DGKB: variants seen among roughly 807,000 people sequenced by gnomAD.
DGKB encodes diacylglycerol kinase beta, also known as 90 kDa diacylglycerol kinase.
A neutral mutation model predicts 114.3 loss-of-function variants in DGKB; 67 were observed. The observed-to-expected ratio is 0.59, with a 90% CI of 0.48 to 0.72. The LOEUF is 0.72. Ranked by LOEUF, DGKB falls within the 30% of genes least tolerant of loss-of-function variation. The pLI, the probability that DGKB is intolerant of heterozygous loss-of-function variation, is 0.00. For missense variants in DGKB, 907 were observed against 975.2 expected (o/e 0.93, Z 0.93); for synonymous variants, 398 against 323.1 (o/e 1.23, Z -2.49).
chr7:14,457,265 A>G (rs1426771331), intron 21 of DGKB, among the ~76,000 whole-genome samples: 1 of 152,164 alleles, frequency 6.6e-6, no homozygotes, highest in Non-Finnish European at 1.5e-5. Flanking sequence ...GTAATTACCT[A>G]AAATGGACAC....
intron 25 of DGKB, among the ~76,000 whole-genome samples, chr7:14,153,182 C>T (rs1270119323): frequency 1.3e-5 from 2 of 152,044 alleles, no homozygotes; most frequent in African/African-American, 2.4e-5. Context: ...TTTGGTTCAG[C>T]TCGTTGGTGA....
intron 25 of DGKB, among the ~76,000 whole-genome samples, chr7:14,169,280 G>T (rs1206370120): frequency 6.6e-6 from 1 of 151,062 alleles, no homozygotes; most frequent in South Asian, 2.1e-4. Context: ...CAGGAGAATG[G>T]CGTGAACCCG....
At chr7:14,869,085 A>G (rs1363357536) in intron 1 of DGKB, among the ~76,000 whole-genome samples, 1 of 152,190 alleles carries the variant, frequency 6.6e-6, no homozygotes, top group African/African-American at 2.4e-5. Context: ...TCATGACTAA[A>G]TGTTATCATT....
At chr7:14,632,868 T>C (rs2128853188) in intron 13 of DGKB, among the ~76,000 whole-genome samples, 1 of 152,052 alleles carries the variant, frequency 6.6e-6, no homozygotes, top group Non-Finnish European at 1.5e-5. Context: ...GAAGCCCTTA[T>C]TGACAGGCAT....
intron 22 of DGKB, among the ~76,000 whole-genome samples, chr7:14,342,827 G>C (rs1811830507): frequency 6.6e-6 from 1 of 151,686 alleles, no homozygotes; most frequent in Non-Finnish European, 1.5e-5. Context: ...GCCCTCTTTT[G>C]AAGGTGCTCA....
chr7:14,481,458 G>A (rs919726263), intron 20 of DGKB, among the ~76,000 whole-genome samples: 6 of 151,806 alleles, frequency 4.0e-5, no homozygotes, highest in African/African-American at 1.4e-4. Context: ...CCCAAATATT[G>A]TCATCAATAT....
chr7:14,438,564 G>A (rs377736607), intron 21 of DGKB, among the ~76,000 whole-genome samples: 27 of 152,186 alleles, frequency 1.8e-4, no homozygotes, highest in African/African-American at 6.5e-4. Context: ...AGAAAGAAAA[G>A]TGCTATGAAT....
chr7:14,740,793 C>T (rs544217816), intron 4 of DGKB, among the ~76,000 whole-genome samples: 28 of 152,118 alleles, frequency 1.8e-4, no homozygotes, highest in African/African-American at 2.4e-5. Flanking sequence ...GATAATCCCA[C>T]CCCCTAGGCC....
At chr7:14,839,787 C>A (rs1847668988) in intron 2 of DGKB, among the ~76,000 whole-genome samples, 1 of 151,080 alleles carries the variant, frequency 6.6e-6, no homozygotes, top group Non-Finnish European at 1.5e-5. Context: ...ATTTTGTAAT[C>A]ATATTTTTAT....
At chr7:14,476,869 C>T (rs1782255762) in intron 21 of DGKB, among the ~76,000 whole-genome samples, 1 of 151,754 alleles carries the variant, frequency 6.6e-6, no homozygotes, top group African/African-American at 2.4e-5. Context: ...ATTCTCCTGC[C>T]TCAGCCTCTT....
At chr7:14,706,458 A>G (rs1826252244) in intron 6 of DGKB, among the ~76,000 whole-genome samples, 1 of 150,756 alleles carries the variant, frequency 6.6e-6, no homozygotes, top group Non-Finnish European at 1.5e-5. Context: ...GCTCTGCACC[A>G]AGAGGACCTA....
upstream of DGKB, among the ~76,000 whole-genome samples, chr7:14,906,196 G>A (rs1014404485): frequency 6.6e-6 from 1 of 151,234 alleles, no homozygotes; most frequent in Non-Finnish European, 1.5e-5. Context: ...CTAGTCTTGT[G>A]ATTACTGGAC....
At chr7:14,507,669 C>G (rs1375113385) in intron 20 of DGKB, among the ~76,000 whole-genome samples, 1 of 152,072 alleles carries the variant, frequency 6.6e-6, no homozygotes, top group Non-Finnish European at 1.5e-5. Flanking sequence ...TGTGATACCC[C>G]CTGAAGCAGG....
chr7:14,823,786 T>C (rs530662361), intron 2 of DGKB, among the ~76,000 whole-genome samples: 46 of 152,298 alleles, frequency 3.0e-4, no homozygotes, highest in African/African-American at 1.1e-3. Context: ...GGAATTCATA[T>C]AGCTTTTAAA....
chr7:14,651,012 A>ATTG (rs755315270), intron 13 of DGKB, among the ~76,000 whole-genome samples: 4,659 of 152,228 alleles, frequency 0.031, 249 homozygotes, highest in African/African-American at 0.11. Flanking sequence ...TCAATAGCTT[A>ATTG]CCAACCAAAA....
intron 6 of DGKB, among the ~76,000 whole-genome samples, chr7:14,714,621 G>GA (rs566214492): frequency 1.5e-4 from 22 of 149,806 alleles, no homozygotes; most frequent in South Asian, 6.4e-4. Context: ...TAGGTGTTTG[G>GA]AAAAAAAAAC....
At chr7:14,297,341 A>G (rs538557908) in intron 23 of DGKB, among the ~76,000 whole-genome samples, 3 of 152,308 alleles carry the variant, frequency 2.0e-5, no homozygotes, top group African/African-American at 7.2e-5. Flanking sequence ...CAGCACTTCA[A>G]AAAGCGTATT....
At chr7:14,449,012 G>A (rs1366843454) in intron 21 of DGKB, among the ~76,000 whole-genome samples, 3 of 152,058 alleles carry the variant, frequency 2.0e-5, no homozygotes, top group Non-Finnish European at 4.4e-5. Flanking sequence ...GGGTGCAATA[G>A]ATACAAGTGT....
chr7:14,397,257 G>T (rs1053893407), intron 21 of DGKB, among the ~76,000 whole-genome samples: 1 of 152,116 alleles, frequency 6.6e-6, no homozygotes, highest in Non-Finnish European at 1.5e-5. Context: ...ACAAGACCGG[G>T]CAGGGGATAA....
Sources: gnomAD v4.1 joint callset for allele counts (sites outside exome capture counted in the v4.1 genomes callset) on GRCh38, gnomAD v4.1.1 for gene constraint, MANE v1.5 for transcripts, NCBI Gene and HGNC (gene_info 2026-07-23, HGNC 2026-07-21) for gene names.